The following ELP4 variants were observed in gnomAD, a reference collection of about 807,000 sequenced individuals.
ELP4 encodes elongator acetyltransferase complex subunit 4.
In ELP4, 51 loss-of-function variants were observed where a neutral mutation model predicts 48.9. The ratio of observed to expected loss-of-function variants is 1.04; its 90% CI spans 0.83 to 1.32. The LOEUF (loss-of-function observed/expected upper bound fraction) is 1.32, where lower values mean the gene tolerates loss of function less well. ELP4 is among the 40% of genes most tolerant of loss of function. ELP4 has a pLI of 0.00. For synonymous variants in ELP4, 210 were observed against 189.2 expected (o/e 1.11, Z -0.90); for missense variants, 519 against 514.6 (o/e 1.01, Z -0.08).
At chr11:31,667,410 T>C (rs1019416066) in intron 9 of ELP4, among the ~76,000 whole-genome samples, 5 of 152,210 alleles carry the variant, frequency 3.3e-5, no homozygotes, top group African/African-American at 1.2e-4. Flanking sequence ...AACTTTATTT[T>C]GGAAGTTTAT....
chr11:31,521,094 G>C (rs781688048), intron 2 of ELP4, among the ~76,000 whole-genome samples: 3 of 152,060 alleles, frequency 2.0e-5, no homozygotes, highest in Non-Finnish European at 4.4e-5. Flanking sequence ...TTCCCCAAGA[G>C]TGAGTAAAAT....
intron 2 of ELP4, among the ~76,000 whole-genome samples, chr11:31,530,105 T>C (rs866638996): frequency 6.6e-6 from 1 of 152,216 alleles, no homozygotes; most frequent in Non-Finnish European, 1.5e-5. Context: ...CTTTTCTCAC[T>C]GCTGCCCCCT....
chr11:31,532,832 T>C (rs1393128911), intron 2 of ELP4, among the ~76,000 whole-genome samples: 3 of 146,846 alleles, frequency 2.0e-5, no homozygotes. Flanking sequence ...AGTGCAATGG[T>C]GTGATCTCGG....
chr11:31,601,864 A>G (rs1957790777), intron 4 of ELP4, among the ~76,000 whole-genome samples: 2 of 152,110 alleles, frequency 1.3e-5, no homozygotes. Context: ...GGCTTCTGAC[A>G]TAGACCAAGC....
At chr11:31,571,662 G>GA (rs559438522) in intron 3 of ELP4, among the ~76,000 whole-genome samples, 248 of 152,302 alleles carry the variant, frequency 1.6e-3, no homozygotes, top group African/African-American at 5.5e-3. Flanking sequence ...AATATGACTT[G>GA]AAAATTGAAA....
At chr11:31,638,111 A>G (rs1174480436) in intron 7 of ELP4, among the ~76,000 whole-genome samples, 1 of 151,912 alleles carries the variant, frequency 6.6e-6, no homozygotes, top group Non-Finnish European at 1.5e-5. Context: ...TTTCAAAAAG[A>G]AAATTTACTT....
chr11:31,542,375 G>A (rs1024963083), intron 3 of ELP4, among the ~76,000 whole-genome samples: 5 of 152,232 alleles, frequency 3.3e-5, no homozygotes, highest in South Asian at 2.1e-4. Context: ...GCATAGGGTC[G>A]GTCTCCCTCT....
chr11:31,672,844 T>C (rs1945836771), intron 9 of ELP4, among the ~76,000 whole-genome samples: 1 of 151,998 alleles, frequency 6.6e-6, no homozygotes, highest in African/African-American at 2.4e-5. Context: ...AAGTCATAAT[T>C]CAGTAAAACA....
chr11:31,599,053 A>T (rs746319328), intron 4 of ELP4: 1 of 152,126 alleles, frequency 6.6e-6, no homozygotes, highest in Non-Finnish European at 1.5e-5. Flanking sequence ...CTAATTTATT[A>T]TTATCATCTA....
intron 9 of ELP4, among the ~76,000 whole-genome samples, chr11:31,685,692 G>T (rs534838343): frequency 6.6e-6 from 1 of 152,142 alleles, no homozygotes; most frequent in Non-Finnish European, 1.5e-5. Flanking sequence ...CAGCACTTTG[G>T]GAGGCCAGGC....
chr11:31,570,119 G>A (rs999590577), intron 3 of ELP4, among the ~76,000 whole-genome samples: 2 of 152,256 alleles, frequency 1.3e-5, no homozygotes, highest in Non-Finnish European at 2.9e-5. Flanking sequence ...CCAGGTGCCC[G>A]TCAACAGTGG....
intron 5 of ELP4, among the ~76,000 whole-genome samples, chr11:31,612,134 G>T (rs962173798): frequency 6.6e-6 from 1 of 152,158 alleles, no homozygotes; most frequent in Non-Finnish European, 1.5e-5. Flanking sequence ...TCAATAACTG[G>T]AAGGGGTTTG....
At chr11:31,660,545 A>G (rs1211104396) in intron 9 of ELP4, among the ~76,000 whole-genome samples, 1 of 152,204 alleles carries the variant, frequency 6.6e-6, no homozygotes, top group Non-Finnish European at 1.5e-5. Flanking sequence ...ACCAAATGCA[A>G]TAGGACTATA....
intron 6 of ELP4, among the ~76,000 whole-genome samples, chr11:31,631,979 A>G (rs1339245191): frequency 2.0e-5 from 3 of 152,092 alleles, no homozygotes; most frequent in Non-Finnish European, 4.4e-5. Context: ...GATACAATTT[A>G]AAGCTTAAGG....
chr11:31,766,040 C>A (rs1480942990), intron 9 of ELP4, among the ~76,000 whole-genome samples: 1 of 151,918 alleles, frequency 6.6e-6, no homozygotes, highest in Non-Finnish European at 1.5e-5. Flanking sequence ...TAAACTGTGA[C>A]TGTTCATCTT....
At chr11:31,631,802 A>C (rs751936616) in intron 6 of ELP4, among the ~76,000 whole-genome samples, 10 of 152,294 alleles carry the variant, frequency 6.6e-5, no homozygotes, top group Admixed American at 1.3e-4. Context: ...AGGTAGGATA[A>C]AATTAAATGA....
chr11:31,787,003 A>G lies in ELP4; in HGVS notation c.*3479A>G, dbSNP rs977387346. 1 of 213,294 alleles carries G rather than the reference A, an allele frequency of 4.7e-6. No homozygotes were observed. The highest frequency in any genetic ancestry group is 2.4e-5 in the African/African-American group (1 of 41,880). 13.2% of individuals were successfully genotyped at this position (213,294 alleles called of 1,614,324 possible). A position where few individuals can be genotyped will look rare whatever the true frequency, so the allele number is the denominator to read the frequency against. ...CTGCAGATACCCCATTGATAAATAT[A>G]TAAATATATGTATCGTTAAATAAAT... On this transcript the variant is annotated 3_prime_UTR_variant, in exon 10 of 10. Coordinates refer to ENST00000640961, the MANE Select transcript of ELP4 (RefSeq NM_019040.5).
chr11:31,677,769 C>T (rs2134117159), intron 9 of ELP4, among the ~76,000 whole-genome samples: 1 of 152,300 alleles, frequency 6.6e-6, no homozygotes, highest in Non-Finnish European at 1.5e-5. Context: ...TACCCATCCA[C>T]ACTCATTCCT....
chr11:31,717,173 CTG>C (rs992998964), intron 9 of ELP4, among the ~76,000 whole-genome samples: 3 of 152,086 alleles, frequency 2.0e-5, no homozygotes, highest in Non-Finnish European at 4.4e-5. Flanking sequence ...AACAAGGAGT[CTG>C]TGGATAGAAT....
Sources: gnomAD v4.1 joint callset for allele counts (sites outside exome capture counted in the v4.1 genomes callset) on GRCh38, gnomAD v4.1.1 for gene constraint, MANE v1.5 for transcripts, NCBI Gene and HGNC (gene_info 2026-07-23, HGNC 2026-07-21) for gene names.